OSBPL5: variants seen among roughly 807,000 people sequenced by gnomAD.
OSBPL5 encodes oxysterol binding protein like 5, also known as oxysterol-binding protein-related protein 5.
A neutral mutation model predicts 111.2 loss-of-function variants in OSBPL5; 71 were observed. The observed-to-expected ratio is 0.64, with a 90% confidence interval of 0.53 to 0.78. OSBPL5 has a LOEUF of 0.78. OSBPL5 is among the 30% of genes least tolerant of loss of function. OSBPL5 has a pLI of 0.00. For missense variants in OSBPL5, 1,210 were observed against 1,189.3 expected (o/e 1.02, Z -0.26); for synonymous variants, 549 against 513.9 (o/e 1.07, Z -0.93).
chr11:3,101,513 C>T, intron 13 of OSBPL5, 90 bp downstream of exon 13: 3 of 1,208,654 alleles, frequency 2.5e-6, no homozygotes, highest in Non-Finnish European at 3.6e-6. Flanking sequence ...ACATGGCCCC[C>T]ATCCAGATCT....
Position 3,106,552 on chromosome 11 carries a change from G to A in OSBPL5, c.1059+711C>T, listed in dbSNP as rs975155230. Reference sequence around the variant, plus strand: ...GCCACGTGAGTTCTCTCCAGCTGCGGGGAGTCAGCTGCCCTGGCTGTTCAT... The same window carrying A: ...GCCACGTGAGTTCTCTCCAGCTGCGAGGAGTCAGCTGCCCTGGCTGTTCAT... On this transcript the variant is annotated intron_variant, in intron 9 of 21. Transcript: ENST00000263650. This position sits in a 1 kb window ranked among gnomAD's most constrained non-coding sequence, Gnocchi z 8.4. Among the ~76,000 whole-genome samples, 3 of 152,174 alleles carry A rather than the reference G, an allele frequency of 2.0e-5. No individual in the cohort carries two copies. Among genetic ancestry groups the A allele is most frequent in the Non-Finnish European group, 4.4e-5 (3 of 68,030 alleles).
In OSBPL5 at chr11:3,102,318, G is replaced by A. The variant is rs376410359; in HGVS notation, c.1327-37C>T. 57 of 1,555,396 alleles carry A rather than the reference G, an allele frequency of 3.7e-5. 1 individual carries two copies. In the African/African-American group the frequency reaches 6.5e-4, roughly 18 times the overall value. On this transcript the variant is annotated intron_variant, in intron 11 of 21. Coordinates refer to ENST00000263650, the MANE Select transcript of OSBPL5 (RefSeq NM_020896.4). ...AGAGACTTGTGTGAGGAGCCAGGTGGGTAAGAGGTCCGCTGTGCAGAGCAG... is the reference window on the plus strand; with the variant it reads ...AGAGACTTGTGTGAGGAGCCAGGTGAGTAAGAGGTCCGCTGTGCAGAGCAG...
chr11:3,094,538 C>T (rs1043219901), intron 14 of OSBPL5: 5 of 248,730 alleles, frequency 2.0e-5, no homozygotes, highest in Non-Finnish European at 2.8e-5. Flanking sequence ...GGTGGGGGTG[C>T]GGAGCCTGGG....
chr11:3,141,184 C>T lies in OSBPL5; in HGVS notation c.-21-12015G>A, dbSNP rs192135015. On this transcript the variant is annotated intron_variant, in intron 1 of 21. Coordinates refer to ENST00000263650, the MANE Select transcript of OSBPL5 (RefSeq NM_020896.4). This position sits in a 1 kb window ranked among gnomAD's most constrained non-coding sequence, Gnocchi z 6.5. ...GCTGACAGCCACCCAGGCTTCCCCC[C>T]GCCCAGCAGACAGTATCGTCATCAT... 2.6e-5 allele frequency among the ~76,000 whole-genome samples: 4 copies of T among 152,320 alleles called. No homozygotes were observed. Among genetic ancestry groups the T allele is most frequent in the East Asian group, 1.9e-4 (1 of 5,180 alleles).
intron 10 of OSBPL5, among the ~76,000 whole-genome samples, chr11:3,103,759 C>G (rs61870199): frequency 0.33 from 16,700 of 50,220 alleles, 1,825 homozygotes; most frequent in Admixed American, 0.43. Flanking sequence ...TCTTCCAGCT[C>G]TGCAGCCCCC....
intron 7 of OSBPL5, among the ~76,000 whole-genome samples, chr11:3,118,456 A>C (rs961091354): frequency 6.6e-6 from 1 of 152,112 alleles, no homozygotes; most frequent in Admixed American, 6.5e-5. Flanking sequence ...CTGATGTCTC[A>C]TATCTCCCTA....
chr11:3,094,278 C>T lies in OSBPL5; in HGVS notation c.1678G>A (p.Ala560Thr), dbSNP rs921245505. The T allele has an allele frequency of 9.3e-6, 15 of 1,613,528 alleles. No individual in the cohort carries two copies. Among genetic ancestry groups the T allele is most frequent in the Non-Finnish European group, 1.3e-5 (15 of 1,179,996 alleles). ...AGCTGGGCCTGGAAGTTGTTCTTCG[C>T]ACACTCGATGGTGACCTTCCCACCC... is the stretch of plus-strand genomic sequence containing the variant. Reference protein sequence around the residue: ...ELGGKVTIECAKNNFQAQLEF... With the variant: ...ELGGKVTIECTKNNFQAQLEF... Residue 560 changes from alanine to threonine, a missense_variant, in exon 15 of 22, where the codon GCG becomes ACG. Physicochemically the swap from Ala to Thr is moderately conservative, Grantham distance 58. Coordinates refer to ENST00000263650, the MANE Select transcript of OSBPL5 (RefSeq NM_020896.4).
At chr11:3,163,778 C>A (rs958281665) in intron 1 of OSBPL5, among the ~76,000 whole-genome samples, 1 of 152,222 alleles carries the variant, frequency 6.6e-6, no homozygotes, top group African/African-American at 2.4e-5. Context: ...GACAGACACA[C>A]GCGGTGCCTG....
At chr11:3,100,953 G>A (rs1175352822) in intron 13 of OSBPL5, among the ~76,000 whole-genome samples, 1 of 150,982 alleles carries the variant, frequency 6.6e-6, no homozygotes, top group African/African-American at 2.4e-5. Context: ...TAGAGGGACT[G>A]CAGTTTCAGT....
intron 13 of OSBPL5, 113 bp from the exon 14 acceptor site, chr11:3,100,369 C>T (rs1857411749): frequency 3.6e-6 from 3 of 843,448 alleles, no homozygotes; most frequent in Non-Finnish European, 3.9e-6. Context: ...ACGCTCCTGG[C>T]ACTTCCAGTG....
rs112738453 is a variant in OSBPL5 at position 3,127,617 on chromosome 11, G to C, written c.137-1062C>G. On this transcript the variant is annotated intron_variant, in intron 2 of 21. Transcript: ENST00000263650. ...GCTACGCCCCTGACCCGGAGTGCTGGGGGGAGGCTAGCAGGAGCGCTCTTC... is the reference window on the plus strand; with the variant it reads ...GCTACGCCCCTGACCCGGAGTGCTGCGGGGAGGCTAGCAGGAGCGCTCTTC... Among the ~76,000 whole-genome samples, 702 of 152,338 alleles carry C rather than the reference G, an allele frequency of 4.6e-3. 3 individuals are homozygous for C. Among genetic ancestry groups the C allele is most frequent in the Admixed American group, 7.4e-3 (113 of 15,300 alleles).
chr11:3,110,281 C>T lies in OSBPL5; in HGVS notation c.692-2336G>A, dbSNP rs1325126952. Among the ~76,000 whole-genome samples the T allele has an allele frequency of 6.6e-6, 1 of 152,162 alleles. No individual in the cohort carries two copies. Among genetic ancestry groups the T allele is most frequent in the African/African-American group, 2.4e-5 (1 of 41,432 alleles). ...CTGGGGTTAGAGGAGGTGGAGCAAC[C>T]GCATTTACCCAGAGCAGCCACTGGA... is the stretch of plus-strand genomic sequence containing the variant. On this transcript the variant is annotated intron_variant, in intron 7 of 21. Coordinates refer to ENST00000263650, the MANE Select transcript of OSBPL5 (RefSeq NM_020896.4). The surrounding 1 kb of genome is among the most constrained non-coding windows in gnomAD (Gnocchi z 5.3).
At chr11:3,124,847 A>T (rs2134465355) in intron 3 of OSBPL5, among the ~76,000 whole-genome samples, 1 of 109,122 alleles carries the variant, frequency 9.2e-6, no homozygotes, top group Non-Finnish European at 2.1e-5. Context: ...TGGACGCATG[A>T]ACCTGCTGCC....
intron 10 of OSBPL5, among the ~76,000 whole-genome samples, chr11:3,103,861 C>CAGCCCCCTTCCTGCCTCTGT (rs1255314019): frequency 1.5e-4 from 6 of 40,690 alleles, no homozygotes; most frequent in African/African-American, 1.7e-4. Flanking sequence ...CCAGTCTGCG[C>CAGCCCCCTTCCTGCCTCTGT]AGCCCCCTTC....
In OSBPL5 at chr11:3,110,166, C is replaced by T. The variant is rs532694443; in HGVS notation, c.692-2221G>A. Among the ~76,000 whole-genome samples, 2 of 152,294 alleles carry T rather than the reference C, an allele frequency of 1.3e-5. No homozygotes were observed. Among genetic ancestry groups the T allele is most frequent in the South Asian group, 2.1e-4 (1 of 4,822 alleles). ...ACCGAGACTCCAACCTGAGAGGCAC[C>T]GGAGCCCCGTGGTCAAGGCCAGACT... On this transcript the variant is annotated intron_variant, in intron 7 of 21. Coordinates refer to ENST00000263650, the MANE Select transcript of OSBPL5 (RefSeq NM_020896.4). The surrounding 1 kb of genome is among the most constrained non-coding windows in gnomAD (Gnocchi z 5.3).
chr11:3,122,042 G>C lies in OSBPL5; in HGVS notation c.357C>G (p.Ser119Arg). 6.3e-7 allele frequency: 1 copy of C among 1,582,634 alleles called. No homozygotes were observed. ...TGACCACGCTGGGGTCTGTCAGAGC[G>C]CTGAGCAGCTGCCGTGTGGCGCGCT... is the stretch of plus-strand genomic sequence containing the variant. ...EKKRATRQLL[S>R]ALTDPSVVIM... Residue 119 changes from serine (S) to arginine (R), a missense_variant, in exon 5 of 22, where the codon AGC becomes AGG. Transcript: ENST00000263650.
intron 1 of OSBPL5, among the ~76,000 whole-genome samples, chr11:3,145,671 G>C (rs895868889): frequency 9.2e-5 from 14 of 152,146 alleles, no homozygotes; most frequent in African/African-American, 3.1e-4. Context: ...TCACAGACTC[G>C]CACCCTCAGA....
intron 3 of OSBPL5, among the ~76,000 whole-genome samples, chr11:3,123,962 G>A (rs1858510637): frequency 6.6e-6 from 1 of 152,226 alleles, no homozygotes; most frequent in African/African-American, 2.4e-5. Context: ...AGGCACTGAG[G>A]TTAGAAAGTA....
rs1273117542 is a variant in OSBPL5, at chr11:3,120,606, T to A, written c.421A>T (p.Ser141Cys). ...DSLKIRGTLK[S>C]WTKLWCVLKP... ...AGCACGCACCACAGCTTGGTCCAGC[T>A]CTTCAGGGTGCCGCGGATCTGCAGG... The change falls in exon 6 of 22, where the codon AGC (serine) becomes TGC (cysteine). Residue 141 changes from serine (S) to cysteine (C), a missense_variant. Transcript: ENST00000263650. 4 of 1,612,842 alleles carry A rather than the reference T, an allele frequency of 2.5e-6. No homozygotes were observed. The highest frequency in any genetic ancestry group is 3.4e-6 in the Non-Finnish European group (4 of 1,179,988).
Sources: gnomAD v4.1 joint callset for allele counts (sites outside exome capture counted in the v4.1 genomes callset) on GRCh38, gnomAD v4.1.1 for gene constraint, Gnocchi (gnomAD v3.1) non-coding constraint, MANE v1.5 for transcripts, NCBI Gene and HGNC (gene_info 2026-07-23, HGNC 2026-07-21) for gene names.